The following HECA variants were observed in gnomAD, a reference collection of about 807,000 sequenced individuals.
HECA encodes HECA ribonucleoprotein granule regulator, also known as headcase protein homolog.
In HECA, 13 loss-of-function variants were observed where a neutral mutation model predicts 37.6. The ratio of observed to expected loss-of-function variants is 0.35; its 90% CI spans 0.23 to 0.55. The LOEUF (loss-of-function observed/expected upper bound fraction) is 0.55. Among genes scored for constraint, HECA ranks in the 20% least tolerant of loss-of-function variants. The pLI, the probability that HECA is intolerant of heterozygous loss-of-function variation, is 0.90. For missense variants in HECA, 527 were observed against 701.9 expected (o/e 0.75, Z 2.82); for synonymous variants, 307 against 291.5 (o/e 1.05, Z -0.54).
rs375652407 is a variant in HECA, at chr6:139,135,367, C to A, written c.-30C>A. On this transcript the variant is annotated 5_prime_UTR_variant, in exon 1 of 4. Coordinates refer to ENST00000367658, the MANE Select transcript of HECA (RefSeq NM_016217.3). Reference sequence around the variant, plus strand: ...CTCTGGGATCCGCCTTCGCTGACGCCGGGCACCTACCTGGACGCGAGCGAG... The same window carrying A: ...CTCTGGGATCCGCCTTCGCTGACGCAGGGCACCTACCTGGACGCGAGCGAG... The A allele has an allele frequency of 9.9e-5, 131 of 1,321,998 alleles. No homozygotes were observed. Among genetic ancestry groups the A allele is most frequent in the Non-Finnish European group, 1.3e-4 (129 of 1,010,600 alleles). 81.9% of individuals were successfully genotyped at this position (1,321,998 alleles called of 1,614,324 possible). A position where few individuals can be genotyped will look rare whatever the true frequency, so the allele number is the denominator to read the frequency against.
chr6:139,171,381 A>G (rs1197460279), intron 2 of HECA, among the ~76,000 whole-genome samples: 1 of 152,200 alleles, frequency 6.6e-6, no homozygotes, highest in Non-Finnish European at 1.5e-5. Context: ...TAAATAGATA[A>G]TGCGCACATT....
At chr6:139,153,616 T>C (rs1774678839) in intron 1 of HECA, among the ~76,000 whole-genome samples, 1 of 151,918 alleles carries the variant, frequency 6.6e-6, no homozygotes, top group South Asian at 2.1e-4. Context: ...AGAGACGAGG[T>C]TTCGCCATGT....
At chr6:139,153,570 G>A (rs925313607) in intron 1 of HECA, among the ~76,000 whole-genome samples, 3 of 151,848 alleles carry the variant, frequency 2.0e-5, no homozygotes, top group Non-Finnish European at 4.4e-5. Flanking sequence ...TTACAGGCAC[G>A]TGCCACCATG....
intron 1 of HECA, among the ~76,000 whole-genome samples, chr6:139,145,292 T>C (rs1210991237): frequency 6.6e-6 from 1 of 152,226 alleles, no homozygotes; most frequent in Non-Finnish European, 1.5e-5. Flanking sequence ...TTTTATAAAC[T>C]AGCAAAAAGT....
At position 139,177,056 on chromosome 6, in the gene HECA, A is replaced by G. The variant is rs1427164244; in HGVS notation, c.1583A>G (p.Tyr528Cys). 1 of 866,404 alleles carries G rather than the reference A, an allele frequency of 1.2e-6. No homozygotes were observed. Among genetic ancestry groups the G allele is most frequent in the East Asian group, 2.4e-5 (1 of 41,496 alleles). The allele number at this position is 866,404 out of a possible 1,614,324, so 53.7% of individuals were successfully genotyped here. The change falls in exon 4 of 4, where the codon TAC (tyrosine) becomes TGC (cysteine). Residue 528 changes from tyrosine to cysteine, a missense_variant. Physicochemically the swap from Tyr to Cys is radical, Grantham distance 194 (BLOSUM62 -2). This residue lies in a region of HECA where 106 missense variants were observed against 193.4 expected (regional missense o/e 0.55). Coordinates refer to ENST00000367658, the MANE Select transcript of HECA (RefSeq NM_016217.3). The surrounding 1 kb of genome is among the most constrained non-coding windows in gnomAD (Gnocchi z 4.9). ...TGTCCACACTGTGGGAACCTGGACTACCACTTCGTGAAGCCATTTTCCTCC... is the reference window on the plus strand; with the variant it reads ...TGTCCACACTGTGGGAACCTGGACTGCCACTTCGTGAAGCCATTTTCCTCC... Reference protein sequence around the residue: ...QQCPHCGNLDYHFVKPFSSFK... With the variant: ...QQCPHCGNLDCHFVKPFSSFK...
intron 2 of HECA, among the ~76,000 whole-genome samples, 166 bp downstream of exon 2, chr6:139,167,490 T>G (rs879394850): frequency 1.3e-5 from 2 of 152,206 alleles, no homozygotes; most frequent in Admixed American, 1.3e-4. Flanking sequence ...GACGCGGTGA[T>G]TTTTTACTCT....
At chr6:139,165,852 G>T (rs1655312307) in intron 1 of HECA, among the ~76,000 whole-genome samples, 5 of 152,142 alleles carry the variant, frequency 3.3e-5, no homozygotes, top group Admixed American at 3.3e-4. Context: ...CAACTATGTT[G>T]TTCCCACTTC....
At chr6:139,171,332 G>T (rs965234640) in intron 2 of HECA, among the ~76,000 whole-genome samples, 13 of 152,198 alleles carry the variant, frequency 8.5e-5, no homozygotes, top group African/African-American at 2.9e-4. Flanking sequence ...CTGAGTACTT[G>T]TGTGTGCGTA....
At chr6:139,169,635 TA>T (rs1774943942) in intron 2 of HECA, 1 of 152,196 alleles carries the variant, frequency 6.6e-6, no homozygotes, top group Admixed American at 6.5e-5. Context: ...GGTGGATTGT[TA>T]GGTTGGCTTA....
chr6:139,175,201 C>G (rs1458715675), intron 3 of HECA, among the ~76,000 whole-genome samples: 1 of 152,118 alleles, frequency 6.6e-6, no homozygotes, highest in East Asian at 1.9e-4. Flanking sequence ...TCACAGGAGA[C>G]AAAATGCTTG....
chr6:139,166,318 C>T lies in HECA; in HGVS notation c.306C>T (p.Phe102=), dbSNP rs776024345. ...APCATPLICS[F]GRPVDLEKDD... ...GTGCCACTCCCCTGATCTGCAGCTT[C>T]GGTAGGCCGGTGGACCTGGAGAAGG... is the stretch of plus-strand genomic sequence containing the variant. Residue 102 remains phenylalanine (F), a synonymous_variant, in exon 2 of 4, where the codon TTC becomes TTT. Coordinates refer to ENST00000367658, the MANE Select transcript of HECA (RefSeq NM_016217.3). 7 of 1,611,256 alleles carry T rather than the reference C, an allele frequency of 4.3e-6. No homozygotes were observed. The East Asian group carries it at 1.1e-4, about 26-fold the overall frequency.
At chr6:139,144,377 T>A (rs923598271) in intron 1 of HECA, 4 of 151,882 alleles carry the variant, frequency 2.6e-5, no homozygotes, top group Admixed American at 2.6e-4. Flanking sequence ...GTGGGGAAAA[T>A]GATGTTTCCT....
chr6:139,166,314 G>C lies in HECA; in HGVS notation c.302G>C (p.Ser101Thr). 3.1e-6 allele frequency: 5 copies of C among 1,611,334 alleles called. No homozygotes were observed. Among genetic ancestry groups the C allele is most frequent in the Non-Finnish European group, 4.2e-6 (5 of 1,178,054 alleles). ...EAPCATPLICSFGRPVDLEKD... is the reference protein window; with the variant it reads ...EAPCATPLICTFGRPVDLEKD... Reference sequence around the variant, plus strand: ...CCATGTGCCACTCCCCTGATCTGCAGCTTCGGTAGGCCGGTGGACCTGGAG... The same window carrying C: ...CCATGTGCCACTCCCCTGATCTGCACCTTCGGTAGGCCGGTGGACCTGGAG... The change falls in exon 2 of 4, where the codon AGC (serine) becomes ACC (threonine). Residue 101 changes from serine to threonine, a missense_variant. Ser to Thr is a moderately conservative substitution (Grantham distance 58). Around this residue, in one of 4 missense-constraint regions of HECA, gnomAD observed 172 missense variants for 197.6 expected, o/e 0.87. Coordinates refer to ENST00000367658, the MANE Select transcript of HECA (RefSeq NM_016217.3).
At chr6:139,175,095 G>A (rs1775032578) in intron 3 of HECA, among the ~76,000 whole-genome samples, 1 of 152,142 alleles carries the variant, frequency 6.6e-6, no homozygotes, top group African/African-American at 2.4e-5. Context: ...CTACTAAAAG[G>A]AGGCATTGTC....
At chr6:139,155,746 C>G (rs1310193720) in intron 1 of HECA, 1 of 152,088 alleles carries the variant, frequency 6.6e-6, no homozygotes, top group Non-Finnish European at 1.5e-5. Flanking sequence ...TTTAGTACCC[C>G]CAAGATCTAA....
chr6:139,153,442 G>C (rs1046391856), intron 1 of HECA, among the ~76,000 whole-genome samples: 1 of 148,542 alleles, frequency 6.7e-6, no homozygotes, highest in Non-Finnish European at 1.5e-5. Context: ...TTTTTTTTGA[G>C]AGGGAGTTTT....
rs899592230 is a variant in HECA at position 139,171,836 on chromosome 6, G to GT, written c.1313-2537dup. On this transcript the variant is annotated intron_variant, in intron 2 of 3. Transcript: ENST00000367658. ...TGTTGTTGTTGTTGTTTGTTGTTGT[G>GT]TTTTTTTTTTTTGTGACGGGGTTTC... Among the ~76,000 whole-genome samples the GT allele has an allele frequency of 3.8e-3, 537 of 141,500 alleles. 3 individuals carry two copies. Among genetic ancestry groups the GT allele is most frequent in the African/African-American group, 5.9e-3 (229 of 38,812 alleles). The allele number at this position is 141,500 out of a possible 152,430, so 92.8% of individuals were successfully genotyped here.
At chr6:139,172,582 G>T (rs569756116) in intron 2 of HECA, among the ~76,000 whole-genome samples, 1 of 152,074 alleles carries the variant, frequency 6.6e-6, no homozygotes, top group Admixed American at 6.5e-5. Flanking sequence ...CTGAAGAATC[G>T]GCTTTTTGTT....
chr6:139,164,050 A>T (rs1016594478), intron 1 of HECA, among the ~76,000 whole-genome samples: 51 of 134,052 alleles, frequency 3.8e-4, no homozygotes, highest in Admixed American at 3.2e-3. Flanking sequence ...ATGGACTCTC[A>T]CACACACACA....
Sources: allele counts gnomAD v4.1 joint callset (sites outside exome capture counted in the v4.1 genomes callset), GRCh38; gene constraint gnomAD v4.1.1; regional missense constraint gnomAD v4.1.1; non-coding constraint Gnocchi (gnomAD v3.1); transcripts MANE v1.5; gene names NCBI Gene and HGNC (gene_info 2026-07-23, HGNC 2026-07-21).